Variants in PDZD8 observed in about 807,000 individuals in gnomAD.
The protein encoded by PDZD8 is PDZ domain containing 8.
A neutral mutation model predicts 85.8 loss-of-function variants in PDZD8; 14 were observed. That is an observed-to-expected ratio of 0.16 (90% CI 0.11 to 0.26). The LOEUF (loss-of-function observed/expected upper bound fraction) is 0.26, where lower values mean the gene tolerates loss of function less well. Among genes scored for constraint, PDZD8 ranks in the 10% least tolerant of loss-of-function variants. The pLI, the probability that PDZD8 is intolerant of heterozygous loss-of-function variation, is 1.00. For missense variants in PDZD8, 1,197 were observed against 1,424.3 expected (o/e 0.84, Z 2.57); for synonymous variants, 592 against 568.6 (o/e 1.04, Z -0.59).
intron 3 of PDZD8, among the ~76,000 whole-genome samples, chr10:117,293,735 A>G (rs1302970509): frequency 6.6e-6 from 1 of 152,168 alleles, no homozygotes; most frequent in Non-Finnish European, 1.5e-5. Flanking sequence ...ACTGACACTT[A>G]TAGAACATTA....
Position 117,375,112 on chromosome 10 carries a change from G to T in PDZD8, c.116C>A (p.Ala39Asp), listed in dbSNP as rs745988505. 6.3e-7 allele frequency: 1 copy of T among 1,594,694 alleles called. No homozygotes were observed. Among genetic ancestry groups the T allele is most frequent in the Non-Finnish European group, 8.5e-7 (1 of 1,175,824 alleles). The change falls in exon 1 of 5, where the codon GCC becomes GAC. Residue 39 changes from alanine to aspartate, a missense_variant. Ala to Asp is a moderately radical substitution (Grantham distance 126, BLOSUM62 -2). Transcript: ENST00000334464. ...GTAGCGGAAGCCCTCGCCCGCGCGG[G>T]CGGCCTCGTCCGCCGGCGGCTCGGG... ...RQPEPPADEA[A>D]RAGEGFRYIK...
At chr10:117,299,264 T>C (rs1050311617) in intron 3 of PDZD8, among the ~76,000 whole-genome samples, 2 of 152,188 alleles carry the variant, frequency 1.3e-5, no homozygotes, top group African/African-American at 4.8e-5. Context: ...AGTCCACGGT[T>C]GGGTTTCAAT....
At chr10:117,320,277 G>C (rs1210109760) in intron 2 of PDZD8, among the ~76,000 whole-genome samples, 1 of 152,058 alleles carries the variant, frequency 6.6e-6, no homozygotes, top group African/African-American at 2.4e-5. Flanking sequence ...TGTTCAAAGA[G>C]TAAACTACCT....
At chr10:117,307,577 T>G (rs1843965325) in intron 3 of PDZD8, among the ~76,000 whole-genome samples, 1 of 152,068 alleles carries the variant, frequency 6.6e-6, no homozygotes, top group Non-Finnish European at 1.5e-5. Flanking sequence ...CAGTAGTTAA[T>G]AAAACATCCT....
chr10:117,343,844 A>C (rs1408398547), intron 1 of PDZD8, among the ~76,000 whole-genome samples: 4 of 152,238 alleles, frequency 2.6e-5, no homozygotes, highest in Non-Finnish European at 5.9e-5. Flanking sequence ...CAAGCCAATA[A>C]ATAGAATCCA....
At position 117,284,669 on chromosome 10, in the gene PDZD8, A is replaced by G. The variant is rs1217190077; in HGVS notation, c.2064T>C (p.Asn688=). 1 of 1,614,188 alleles carries G rather than the reference A, an allele frequency of 6.2e-7. No homozygotes were observed. Among genetic ancestry groups the G allele is most frequent in the Non-Finnish European group, 8.5e-7 (1 of 1,180,014 alleles). Residue 688 remains asparagine, a synonymous_variant, in exon 5 of 5, where the codon AAT becomes AAC. Coordinates refer to ENST00000334464, the MANE Select transcript of PDZD8 (RefSeq NM_173791.5). ...TGGTTCTTGTCCATTTTCCTAGCTT[A>G]TTACGATAAAGAATTTCTGATGATT... The part of the protein sequence containing the change: ...TWESSEILYR[N]KLGKWTRTRA...
At chr10:117,325,389 T>C (rs1429118461) in intron 2 of PDZD8, among the ~76,000 whole-genome samples, 12 of 128,614 alleles carry the variant, frequency 9.3e-5, no homozygotes. Flanking sequence ...CTATCAAAAG[T>C]TCCAGAAAAG....
chr10:117,373,633 A>T (rs1845234364), intron 1 of PDZD8, among the ~76,000 whole-genome samples: 1 of 144,436 alleles, frequency 6.9e-6, no homozygotes, highest in South Asian at 2.2e-4. Context: ...AAAAAAAATC[A>T]GCAAGGCGTG....
intron 2 of PDZD8, among the ~76,000 whole-genome samples, chr10:117,340,718 A>G (rs1435925207): frequency 6.6e-6 from 1 of 152,246 alleles, no homozygotes; most frequent in African/African-American, 2.4e-5. Flanking sequence ...AGTTAAAAAT[A>G]AGCCAACAGA....
At chr10:117,300,633 C>G (rs570755204) in intron 3 of PDZD8, among the ~76,000 whole-genome samples, 1 of 152,252 alleles carries the variant, frequency 6.6e-6, no homozygotes, top group South Asian at 2.1e-4. Flanking sequence ...ATGTGTTCCC[C>G]CATCCCCAAC....
chr10:117,359,930 A>G (rs1844966887), intron 1 of PDZD8, among the ~76,000 whole-genome samples: 1 of 151,784 alleles, frequency 6.6e-6, no homozygotes, highest in South Asian at 2.1e-4. Flanking sequence ...CCTACAGAGA[A>G]AAAAAAGTAT....
At chr10:117,317,382 T>A (rs17096108) in intron 3 of PDZD8, among the ~76,000 whole-genome samples, 1 of 150,254 alleles carries the variant, frequency 6.7e-6, no homozygotes, top group Admixed American at 6.7e-5. Flanking sequence ...CCTAGGAATA[T>A]TAAATTCAGA....
rs1409295325 is a variant in PDZD8, at chr10:117,294,484, C to T, written c.1099-4136G>A. ...ATTTAAAAATAGAACTAGCAATGATCCAATAATCCCACTATTGGGTATATA... is the reference window on the plus strand; with the variant it reads ...ATTTAAAAATAGAACTAGCAATGATTCAATAATCCCACTATTGGGTATATA... On this transcript the variant is annotated intron_variant, in intron 3 of 4. Transcript: ENST00000334464. Among the ~76,000 whole-genome samples the T allele has an allele frequency of 2.6e-5, 4 of 152,036 alleles. No individual in the cohort carries two copies. The East Asian group carries it at 7.7e-4, about 29-fold the overall frequency.
chr10:117,363,471 A>G (rs1484440913), intron 1 of PDZD8, among the ~76,000 whole-genome samples: 16 of 152,140 alleles, frequency 1.1e-4, no homozygotes, highest in Non-Finnish European at 1.5e-5. Context: ...TTCACAGCAA[A>G]AAACAATAGT....
At chr10:117,358,726 T>C (rs1844942786) in intron 1 of PDZD8, among the ~76,000 whole-genome samples, 1 of 152,170 alleles carries the variant, frequency 6.6e-6, no homozygotes, top group South Asian at 2.1e-4. Context: ...TTTGGCAAGT[T>C]ACTTGGAACT....
At chr10:117,366,218 C>T (rs751088629) in intron 1 of PDZD8, among the ~76,000 whole-genome samples, 23 of 152,042 alleles carry the variant, frequency 1.5e-4, no homozygotes, top group Non-Finnish European at 2.6e-4. Context: ...GTTATGTTTA[C>T]GGTAACAAAG....
rs1420773302 is a variant in PDZD8, at chr10:117,285,258, C to T, written c.1475G>A (p.Arg492Lys). 1.2e-6 allele frequency: 2 copies of T among 1,614,218 alleles called. No homozygotes were observed. The highest frequency in any genetic ancestry group is 1.7e-5 in the Admixed American group (1 of 60,026). ...AAGLTVDTESRELDSEFEDLA... is the reference protein window; with the variant it reads ...AAGLTVDTESKELDSEFEDLA... ...GTCTTCAAATTCAGAATCCAGCTCT[C>T]TACTTTCAGTATCTACTGTCAACCC... The change falls in exon 5 of 5, where the codon AGA becomes AAA. Residue 492 changes from arginine to lysine, a missense_variant. By Grantham distance (26) the Arg-to-Lys change is conservative. Around this residue, in one of 4 missense-constraint regions of PDZD8, gnomAD observed 263 missense variants for 261.9 expected, o/e 1.00. Coordinates refer to ENST00000334464, the MANE Select transcript of PDZD8 (RefSeq NM_173791.5).
At chr10:117,315,599 A>AAAC (rs1564697006) in intron 3 of PDZD8, among the ~76,000 whole-genome samples, 3 of 143,524 alleles carry the variant, frequency 2.1e-5, no homozygotes, top group East Asian at 1.9e-4. Context: ...AAAAAAAAAA[A>AAAC]AAAAAAAAAA....
Position 117,290,170 on chromosome 10 carries a change from A to G in PDZD8, c.1261+16T>C, listed in dbSNP as rs754169347. The G allele has an allele frequency of 1.2e-5, 19 of 1,608,534 alleles. No individual in the cohort carries two copies. Among genetic ancestry groups the G allele is most frequent in the Middle Eastern group, 3.3e-4 (2 of 6,054 alleles). On this transcript the variant is annotated intron_variant, in intron 4 of 4. Coordinates refer to ENST00000334464, the MANE Select transcript of PDZD8 (RefSeq NM_173791.5). ...TATCTGTAAAGGTAAAGTATAATGC[A>G]TATTAGCATAATTACCTCCAATGGC...
Sources: allele counts gnomAD v4.1 joint callset (sites outside exome capture counted in the v4.1 genomes callset), GRCh38; gene constraint gnomAD v4.1.1; regional missense constraint gnomAD v4.1.1; transcripts MANE v1.5; gene names NCBI Gene and HGNC (gene_info 2026-07-23, HGNC 2026-07-21).